The following AXIN2 variants were observed in gnomAD, a reference collection of about 807,000 sequenced individuals.
AXIN2 encodes the protein axin 2.
Under a neutral mutation model 74.7 loss-of-function variants are expected in AXIN2, and 21 were observed. The ratio of observed to expected loss-of-function variants is 0.28; its 90% CI spans 0.20 to 0.40. The LOEUF is 0.40. Ranked by LOEUF, AXIN2 falls within the 10% of genes least tolerant of loss-of-function variation. AXIN2 has a pLI of 1.00. For missense variants in AXIN2, 1,144 were observed against 1,111.1 expected (o/e 1.03, Z -0.42); for synonymous variants, 532 against 454.9 (o/e 1.17, Z -2.16).
At chr17:65,533,622 G>C (rs1162208546) in intron 10 of AXIN2, among the ~76,000 whole-genome samples, 1 of 152,200 alleles carries the variant, frequency 6.6e-6, no homozygotes, top group Non-Finnish European at 1.5e-5. Context: ...TCCTGTCGGT[G>C]CAAGCAGCTG....
intron 2 of AXIN2, among the ~76,000 whole-genome samples, chr17:65,549,879 C>T (rs936713597): frequency 2.6e-5 from 4 of 152,162 alleles, no homozygotes; most frequent in Non-Finnish European, 5.9e-5. Flanking sequence ...GTTCCTCTGC[C>T]CCCAGTGGTG....
intron 1 of AXIN2, chr17:65,561,115 G>T (rs1164402080): frequency 6.7e-6 from 1 of 149,894 alleles, no homozygotes; most frequent in Non-Finnish European, 1.5e-5. Context: ...TTCAACGCAG[G>T]TCCTGTTTCC....
chr17:65,532,663 G>A (rs1406906329), intron 10 of AXIN2, among the ~76,000 whole-genome samples: 2 of 152,228 alleles, frequency 1.3e-5, no homozygotes, highest in East Asian at 1.9e-4. Flanking sequence ...CTGCTCTAGA[G>A]GGGAGGGTGT....
chr17:65,556,293 T>C (rs965746260), intron 2 of AXIN2, among the ~76,000 whole-genome samples: 18 of 152,130 alleles, frequency 1.2e-4, no homozygotes, highest in African/African-American at 4.3e-4. Context: ...GGCTCTTAAG[T>C]AGTCTCAGCT....
At chr17:65,538,069 C>T (rs1223703078) in intron 5 of AXIN2, 134 bp downstream of exon 5, 18 of 1,509,152 alleles carry the variant, frequency 1.2e-5, no homozygotes, top group South Asian at 9.5e-5. Context: ...GGCACACACC[C>T]ACACGCAGCC....
intron 3 of AXIN2, among the ~76,000 whole-genome samples, chr17:65,543,488 C>T (rs1289389544): frequency 3.3e-5 from 5 of 152,162 alleles, no homozygotes; most frequent in African/African-American, 9.7e-5. Flanking sequence ...ATACCGAGTC[C>T]CTACTGTACG....
intron 3 of AXIN2, among the ~76,000 whole-genome samples, chr17:65,548,402 A>G (rs1166260093): frequency 6.6e-6 from 1 of 152,250 alleles, no homozygotes; most frequent in African/African-American, 2.4e-5. Context: ...ACAAACTGGA[A>G]TAATAGATGG....
chr17:65,546,755 A>G (rs1052115522), intron 3 of AXIN2, among the ~76,000 whole-genome samples: 1 of 152,204 alleles, frequency 6.6e-6, no homozygotes, highest in African/African-American at 2.4e-5. Flanking sequence ...GGACGAACAG[A>G]GCCAACACCA....
Position 65,558,269 on chromosome 17 carries a change from T to G in AXIN2, c.352A>C (p.Arg118=), listed in dbSNP as rs778529464. The change falls in exon 2 of 11, where the codon AGG becomes CGG. Residue 118 remains arginine, a synonymous_variant. Coordinates refer to ENST00000307078, the MANE Select transcript of AXIN2 (RefSeq NM_004655.4). ...LDFWFACNGF[R]QMNLKDTKTL... is the part of the protein sequence containing the mutation. The stretch of plus-strand genomic sequence containing the variant: ...TTGGTATCCTTCAGGTTCATCTGCC[T>G]GAATCCATTGCAGGCAAACCAGAAG... 1 of 1,614,200 alleles carries G rather than the reference T, an allele frequency of 6.2e-7. No homozygotes were observed. Among genetic ancestry groups the G allele is most frequent in the Admixed American group, 1.7e-5 (1 of 60,020 alleles).
At chr17:65,537,953 G>A in intron 5 of AXIN2, 118 bp from the exon 6 acceptor site, 6 of 1,414,664 alleles carry the variant, frequency 4.2e-6, no homozygotes, top group Non-Finnish European at 5.7e-6. Flanking sequence ...CACGCCCACA[G>A]CCACGCCCAT....
At chr17:65,538,035 A>G in intron 5 of AXIN2, 168 bp downstream of exon 5, 2 of 1,372,142 alleles carry the variant, frequency 1.5e-6, no homozygotes, top group Non-Finnish European at 2.0e-6. Context: ...CAACCCATGC[A>G]CATGCGCACA....
chr17:65,536,783 G>T, intron 7 of AXIN2, 86 bp downstream of exon 7: 1 of 1,564,020 alleles, frequency 6.4e-7, no homozygotes, highest in Non-Finnish European at 8.8e-7. Flanking sequence ...TGTATTCCGC[G>T]GACTGCAAAA....
chr17:65,558,488 C>T lies in AXIN2; in HGVS notation c.133G>A (p.Val45Ile), dbSNP rs746812990. ...PCQPGVGKGQVTKPMPVSSNT... is the reference protein window; with the variant it reads ...PCQPGVGKGQITKPMPVSSNT... ...GAAGAGACAGGCATGGGTTTGGTGA[C>T]CTGGCCCTTGCCCACCCCTGGCTGA... Residue 45 changes from valine (V) to isoleucine (I), a missense_variant, in exon 2 of 11, where the codon GTC becomes ATC. Transcript: ENST00000307078. The T allele has an allele frequency of 6.2e-7, 1 of 1,610,920 alleles. No homozygotes were observed. The highest frequency in any genetic ancestry group is 8.5e-7 in the Non-Finnish European group (1 of 1,177,922).
intron 10 of AXIN2, among the ~76,000 whole-genome samples, chr17:65,533,304 G>A (rs540315838): frequency 2.0e-5 from 3 of 152,190 alleles, no homozygotes; most frequent in Non-Finnish European, 4.4e-5. Context: ...CCCACCCGCA[G>A]GTCCAGCCCC....
At position 65,536,524 on chromosome 17, in the gene AXIN2, A is replaced by G; in HGVS notation, c.1937T>C (p.Leu646Ser). The G allele has an allele frequency of 6.2e-7, 1 of 1,613,832 alleles. No homozygotes were observed. Among genetic ancestry groups the G allele is most frequent in the South Asian group, 1.1e-5 (1 of 91,080 alleles). The change falls in exon 8 of 11, where the codon TTG (leucine) becomes TCG (serine). Residue 646 changes from leucine to serine, a missense_variant. This residue lies in a region of AXIN2 where 1,053 missense variants were observed against 973.5 expected (regional missense o/e 1.08). Coordinates refer to ENST00000307078, the MANE Select transcript of AXIN2 (RefSeq NM_004655.4). ...SAQSTKKAYP[L>S]ESARSSPGER... ...GCCTGGAGACGAGCGGGCAGACTCC[A>G]AGGGGTAGGCCTTTTTTGTGCTTTG...
chr17:65,537,570 G>C lies in AXIN2; in HGVS notation c.1466C>G (p.Pro489Arg). 1 of 1,610,484 alleles carries C rather than the reference G, an allele frequency of 6.2e-7. No individual in the cohort carries two copies. Among genetic ancestry groups the C allele is most frequent in the Non-Finnish European group, 8.5e-7 (1 of 1,179,060 alleles). Residue 489 changes from proline (P) to arginine (R), a missense_variant, in exon 6 of 11, where the codon CCC becomes CGC. This residue lies in a region of AXIN2 where 1,053 missense variants were observed against 973.5 expected (regional missense o/e 1.08). Transcript: ENST00000307078. The part of the protein sequence containing the change: ...SLLPPGGKLP[P>R]AAASPGACPL... ...GCAGGCGCCCGGCGAGGCGGCCGCGGGAGGCAGCTTGCCACCGGGCGGGAG... is the reference window on the plus strand; with the variant it reads ...GCAGGCGCCCGGCGAGGCGGCCGCGCGAGGCAGCTTGCCACCGGGCGGGAG...
At chr17:65,537,945 C>T in intron 5 of AXIN2, 110 bp from the exon 6 acceptor site, 2 of 1,419,024 alleles carry the variant, frequency 1.4e-6, no homozygotes, top group African/African-American at 1.4e-5. Flanking sequence ...CCCGTGTGCA[C>T]GCCCACAGCC....
At chr17:65,540,986 C>T (rs896157298) in intron 4 of AXIN2, among the ~76,000 whole-genome samples, 1 of 152,150 alleles carries the variant, frequency 6.6e-6, no homozygotes, top group Non-Finnish European at 1.5e-5. Flanking sequence ...AAGTGATTCC[C>T]CTGCCTCAGG....
intron 3 of AXIN2, among the ~76,000 whole-genome samples, chr17:65,547,469 A>G (rs905110903): frequency 7.2e-5 from 11 of 152,172 alleles, no homozygotes; most frequent in Non-Finnish European, 1.5e-4. Flanking sequence ...AGTCCCAAGT[A>G]TCTGCCTGCC....
Sources: allele counts gnomAD v4.1 joint callset (sites outside exome capture counted in the v4.1 genomes callset), GRCh38; gene constraint gnomAD v4.1.1; regional missense constraint gnomAD v4.1.1; transcripts MANE v1.5; gene names NCBI Gene and HGNC (gene_info 2026-07-23, HGNC 2026-07-21).